The following NRXN3 variants were observed in gnomAD, a reference collection of about 807,000 sequenced individuals.
The protein encoded by NRXN3 is neurexin 3.
NRXN3 carries 32 observed loss-of-function variants against 137.6 expected under a neutral mutation model. The observed-to-expected ratio is 0.23, with a 90% confidence interval of 0.18 to 0.31. The LOEUF (loss-of-function observed/expected upper bound fraction) is 0.31. Among genes scored for constraint, NRXN3 ranks in the 10% least tolerant of loss-of-function variants. The pLI, the probability that NRXN3 is intolerant of heterozygous loss-of-function variation, is 1.00. For synonymous variants in NRXN3, 798 were observed against 784.5 expected, an observed-to-expected ratio of 1.02 and a Z score of -0.29; for missense variants, 1,574 against 2,062.5, an observed-to-expected ratio of 0.76 and a Z score of 4.59.
At chr14:78,652,795 AC>A (rs2097757219) in intron 6 of NRXN3, among the ~76,000 whole-genome samples, 1 of 152,226 alleles carries the variant, frequency 6.6e-6, no homozygotes, top group Non-Finnish European at 1.5e-5. Flanking sequence ...ATCATTGAGT[AC>A]CTTTTTTGTG....
intron 15 of NRXN3, among the ~76,000 whole-genome samples, chr14:79,125,529 G>T (rs534815747): frequency 1.3e-5 from 2 of 152,256 alleles, no homozygotes; most frequent in South Asian, 2.1e-4. Context: ...TTTGTGCATA[G>T]GTAAGCACCT....
At chr14:79,445,321 A>G (rs1474391486) in intron 15 of NRXN3, among the ~76,000 whole-genome samples, 1 of 151,404 alleles carries the variant, frequency 6.6e-6, no homozygotes. Context: ...GCCTGGTGAC[A>G]GAGCAAGACC....
At chr14:78,946,144 T>G (rs1401981487) in intron 10 of NRXN3, among the ~76,000 whole-genome samples, 1 of 152,230 alleles carries the variant, frequency 6.6e-6, no homozygotes, top group African/African-American at 2.4e-5. Flanking sequence ...GTAAAGCACT[T>G]AGAATAGTGT....
intron 10 of NRXN3, among the ~76,000 whole-genome samples, chr14:78,912,039 T>G (rs1183118741): frequency 6.6e-6 from 1 of 151,756 alleles, no homozygotes; most frequent in African/African-American, 2.4e-5. Flanking sequence ...CATTTAGCAT[T>G]AGGTATATCT....
At chr14:78,245,775 T>C (rs2067583588) in intron 2 of NRXN3, among the ~76,000 whole-genome samples, 1 of 152,210 alleles carries the variant, frequency 6.6e-6, no homozygotes, top group Non-Finnish European at 1.5e-5. Context: ...ATCACAACTT[T>C]CTCCCTTCCT....
At chr14:78,762,375 G>A (rs1423613532) in intron 8 of NRXN3, among the ~76,000 whole-genome samples, 1 of 152,162 alleles carries the variant, frequency 6.6e-6, no homozygotes, top group Admixed American at 6.6e-5. Flanking sequence ...GTAAGGGAAC[G>A]GACGAGCGTA....
At chr14:78,401,528 CA>C in intron 4 of NRXN3, among the ~76,000 whole-genome samples, 1 of 152,054 alleles carries the variant, frequency 6.6e-6, no homozygotes, top group East Asian at 1.9e-4. Context: ...GGTGGAAAAG[CA>C]AAAAGGCCTA....
At chr14:79,707,497 GT>G (rs912988555) in intron 19 of NRXN3, among the ~76,000 whole-genome samples, 17 of 135,494 alleles carry the variant, frequency 1.3e-4, no homozygotes, top group African/African-American at 4.2e-4. Flanking sequence ...GTGGAGCTAT[GT>G]TTTTTTATTA....
At chr14:79,090,418 C>A (rs117127672) in intron 15 of NRXN3, among the ~76,000 whole-genome samples, 13 of 152,168 alleles carry the variant, frequency 8.5e-5, no homozygotes, top group Non-Finnish European at 1.8e-4. Flanking sequence ...AGATAAGTTC[C>A]CTTTTGCCAT....
intron 15 of NRXN3, among the ~76,000 whole-genome samples, chr14:79,217,649 C>G (rs967777707): frequency 6.6e-6 from 1 of 152,114 alleles, no homozygotes; most frequent in Non-Finnish European, 1.5e-5. Context: ...TAGTGGTTCT[C>G]AATCTTTGTG....
intron 19 of NRXN3, among the ~76,000 whole-genome samples, chr14:79,751,509 A>G (rs1327233810): frequency 1.3e-5 from 2 of 150,972 alleles, no homozygotes; most frequent in African/African-American, 4.8e-5. Context: ...CAATCATGTC[A>G]TCTGCAAACA....
At chr14:78,578,803 G>A (rs2096962520) in intron 4 of NRXN3, among the ~76,000 whole-genome samples, 1 of 152,142 alleles carries the variant, frequency 6.6e-6, no homozygotes, top group South Asian at 2.1e-4. Context: ...GTGAACTAGT[G>A]GGTACAAAGG....
chr14:79,360,782 T>C (rs1411722463), intron 15 of NRXN3, among the ~76,000 whole-genome samples: 1 of 152,244 alleles, frequency 6.6e-6, no homozygotes, highest in Admixed American at 6.5e-5. Context: ...TAGGCTATGC[T>C]CTTATCAAGT....
In NRXN3 at chr14:79,076,691, G is replaced by C. The variant is rs377448477; in HGVS notation, c.3262+88550G>C. On this transcript the variant is annotated intron_variant, in intron 15 of 20. Transcript: ENST00000335750. ...CTTAGAAGTGAGTCAATAAGTATAG[G>C]ACATTTAAGGGGAGGGAATAATCAA... Among the ~76,000 whole-genome samples, 22 of 152,264 alleles carry C rather than the reference G, an allele frequency of 1.4e-4. No homozygotes were observed. In the East Asian group the frequency reaches 3.1e-3, roughly 21 times the overall value.
chr14:79,364,781 C>T (rs2093817574), intron 15 of NRXN3, among the ~76,000 whole-genome samples: 1 of 152,058 alleles, frequency 6.6e-6, no homozygotes, highest in African/African-American at 2.4e-5. Context: ...ATTTTTGCTT[C>T]CTAGAGTTCA....
chr14:78,992,061 A>C (rs1402902398), intron 15 of NRXN3, among the ~76,000 whole-genome samples: 1 of 152,236 alleles, frequency 6.6e-6, no homozygotes, highest in Non-Finnish European at 1.5e-5. Context: ...TAGGAAACAA[A>C]AATCCTCTGA....
At chr14:78,985,681 A>T (rs1302694102) in intron 14 of NRXN3, among the ~76,000 whole-genome samples, 2 of 152,224 alleles carry the variant, frequency 1.3e-5, no homozygotes, top group African/African-American at 4.8e-5. Flanking sequence ...AAAACTTTCC[A>T]TAAACCTTCC....
chr14:79,804,906 T>C (rs10138373), intron 19 of NRXN3, among the ~76,000 whole-genome samples: 99,817 of 151,890 alleles, frequency 0.66, 33,720 homozygotes, highest in African/African-American at 0.8. Flanking sequence ...AAGACCCCCC[T>C]AAGACGGTCT....
intron 4 of NRXN3, among the ~76,000 whole-genome samples, chr14:78,482,470 AC>A (rs2095489607): frequency 6.6e-6 from 1 of 152,008 alleles, no homozygotes; most frequent in Non-Finnish European, 1.5e-5. Context: ...CTGGGGCTAG[AC>A]CCTCCTCTCT....
Sources: gnomAD v4.1 joint callset for allele counts (sites outside exome capture counted in the v4.1 genomes callset) on GRCh38, gnomAD v4.1.1 for gene constraint, MANE v1.5 for transcripts, NCBI Gene and HGNC (gene_info 2026-07-23, HGNC 2026-07-21) for gene names.